Variants in PELI2 observed in about 807,000 individuals in gnomAD.
PELI2 encodes E3 ubiquitin-protein ligase pellino homolog 2.
PELI2 carries 23 observed loss-of-function variants against 42.3 expected under a neutral mutation model. The observed-to-expected ratio is 0.54, with a 90% confidence interval of 0.39 to 0.77. PELI2 has a LOEUF of 0.77. Ranked by LOEUF, PELI2 falls within the 30% of genes least tolerant of loss-of-function variation. The probability of loss-of-function intolerance (pLI) is 0.00; values close to 1 mark genes in which losing one functional copy is unlikely to be tolerated. For synonymous variants in PELI2, 245 were observed against 212.2 expected, an observed-to-expected ratio of 1.15 and a Z score of -1.34; for missense variants, 463 against 553.2, an observed-to-expected ratio of 0.84 and a Z score of 1.64.
In PELI2 at chr14:56,231,139, T is replaced by A. The variant is rs145080756; in HGVS notation, c.208-48537T>A. Among the ~76,000 whole-genome samples, 741 of 152,224 alleles carry A rather than the reference T, an allele frequency of 4.9e-3. 3 individuals carry two copies. Among genetic ancestry groups the A allele is most frequent in the African/African-American group, 0.017 (708 of 41,532 alleles). ...TAGAGACCTACAAAGAGACTTAGAC[T>A]TCCACACAGTAAAGTGGGGGGACAC... On this transcript the variant is annotated intron_variant, in intron 2 of 5. Coordinates refer to ENST00000267460, the MANE Select transcript of PELI2 (RefSeq NM_021255.3).
At chr14:56,293,865 G>T (rs1171200574) in intron 5 of PELI2, among the ~76,000 whole-genome samples, 2 of 152,212 alleles carry the variant, frequency 1.3e-5, no homozygotes, top group Non-Finnish European at 2.9e-5. Flanking sequence ...GGAAAGGGGG[G>T]TTGTTCCACA....
intron 2 of PELI2, among the ~76,000 whole-genome samples, chr14:56,250,477 A>G (rs1888306810): frequency 6.6e-6 from 1 of 152,166 alleles, no homozygotes; most frequent in Non-Finnish European, 1.5e-5. Context: ...CTGAGTCCCA[A>G]AACCTCAAAA....
At chr14:56,185,934 A>G (rs1885754824) in intron 2 of PELI2, among the ~76,000 whole-genome samples, 1 of 152,180 alleles carries the variant, frequency 6.6e-6, no homozygotes, top group African/African-American at 2.4e-5. Flanking sequence ...CCATTCTCCC[A>G]AGATGCTCAT....
chr14:56,123,976 T>C (rs1883156486), intron 1 of PELI2, among the ~76,000 whole-genome samples: 4 of 152,276 alleles, frequency 2.6e-5, no homozygotes, highest in South Asian at 4.1e-4. Flanking sequence ...GTAGACCTCA[T>C]TGGTATGGGA....
At chr14:56,150,873 G>A (rs1490127440) in intron 1 of PELI2, among the ~76,000 whole-genome samples, 1 of 152,186 alleles carries the variant, frequency 6.6e-6, no homozygotes. Context: ...GTGGATTCTT[G>A]GCAGCATGGA....
chr14:56,240,183 T>C (rs770865769), intron 2 of PELI2, among the ~76,000 whole-genome samples: 1 of 151,970 alleles, frequency 6.6e-6, no homozygotes, highest in Non-Finnish European at 1.5e-5. Flanking sequence ...ACGATCAGAT[T>C]TGTGTTTTAG....
chr14:56,274,845 C>T (rs1239590809), intron 2 of PELI2, among the ~76,000 whole-genome samples: 1 of 152,198 alleles, frequency 6.6e-6, no homozygotes, highest in Non-Finnish European at 1.5e-5. Flanking sequence ...ATTTCTTCAG[C>T]TGGATAAAGC....
Position 56,118,738 on chromosome 14 carries a change from G to T in PELI2, c.77+1G>T. 1 of 1,520,764 alleles carries T rather than the reference G, an allele frequency of 6.6e-7. No individual in the cohort carries two copies. Among genetic ancestry groups the T allele is most frequent in the South Asian group, 1.2e-5 (1 of 82,164 alleles). The allele number at this position is 1,520,764 out of a possible 1,614,324, so 94.2% of individuals were successfully genotyped here. A position where few individuals can be genotyped will look rare whatever the true frequency, so the allele number is the denominator to read the frequency against. On this transcript the variant is annotated splice_donor_variant, in intron 1 of 5. Transcript: ENST00000267460. LOFTEE classifies it high-confidence loss of function. ...AATACGGGGAGCTGGTGGTGCTCGG[G>T]TGAGTCCTGGGGTCCCTGGTCCCGG... is the stretch of plus-strand genomic sequence containing the variant.
chr14:56,123,081 C>T lies in PELI2; in HGVS notation c.77+4344C>T, dbSNP rs569697282. 4.0e-5 allele frequency among the ~76,000 whole-genome samples: 6 copies of T among 151,726 alleles called. No homozygotes were observed. In the South Asian group the frequency reaches 8.3e-4, roughly 21 times the overall value. On this transcript the variant is annotated intron_variant, in intron 1 of 5. Transcript: ENST00000267460. ...TTTTAGTAGAAATTGATAAGCTCTA[C>T]AAAAGGAGGTAGATACCTGCCTCAT...
At chr14:56,140,311 A>C (rs1883859033) in intron 1 of PELI2, among the ~76,000 whole-genome samples, 1 of 152,226 alleles carries the variant, frequency 6.6e-6, no homozygotes, top group African/African-American at 2.4e-5. Flanking sequence ...ATTCATTTAA[A>C]ATGAATTACA....
intron 1 of PELI2, among the ~76,000 whole-genome samples, chr14:56,159,629 G>C (rs1011485641): frequency 6.6e-6 from 1 of 151,580 alleles, no homozygotes; most frequent in Admixed American, 6.6e-5. Context: ...AATTACTGCA[G>C]GGCAATACTT....
chr14:56,252,722 A>G (rs1309846478), intron 2 of PELI2, among the ~76,000 whole-genome samples: 2 of 152,208 alleles, frequency 1.3e-5, no homozygotes, highest in Non-Finnish European at 2.9e-5. Flanking sequence ...TTAATATCCT[A>G]CCAACCAAAA....
At chr14:56,295,698 A>G (rs1889978170) in intron 5 of PELI2, among the ~76,000 whole-genome samples, 3 of 152,232 alleles carry the variant, frequency 2.0e-5, no homozygotes, top group African/African-American at 4.8e-5. Flanking sequence ...CTGAGGCACG[A>G]GGAGTTTAAG....
chr14:56,121,737 C>G (rs1883068441), intron 1 of PELI2, among the ~76,000 whole-genome samples: 1 of 152,192 alleles, frequency 6.6e-6, no homozygotes, highest in African/African-American at 2.4e-5. Flanking sequence ...TCCTCCTCCT[C>G]CTCTCTGTTT....
At chr14:56,223,837 T>A (rs1272811133) in intron 2 of PELI2, among the ~76,000 whole-genome samples, 3 of 152,216 alleles carry the variant, frequency 2.0e-5, no homozygotes, top group Admixed American at 6.5e-5. Flanking sequence ...TCATAAGATT[T>A]GAATGCAGTT....
At chr14:56,238,168 C>T (rs576196579) in intron 2 of PELI2, among the ~76,000 whole-genome samples, 2 of 152,250 alleles carry the variant, frequency 1.3e-5, no homozygotes, top group East Asian at 3.9e-4. Context: ...GTTCTGCCTG[C>T]AGAAGTTGGT....
intron 2 of PELI2, among the ~76,000 whole-genome samples, chr14:56,188,451 G>A (rs1566627370): frequency 6.6e-6 from 1 of 151,996 alleles, no homozygotes; most frequent in South Asian, 2.1e-4. Context: ...CCTTTTTTCC[G>A]TCTCTTATGT....
At chr14:56,212,976 C>G (rs769762564) in intron 2 of PELI2, among the ~76,000 whole-genome samples, 1 of 152,200 alleles carries the variant, frequency 6.6e-6, no homozygotes, top group Non-Finnish European at 1.5e-5. Flanking sequence ...TTAGTCCACA[C>G]GTGCAGTTCG....
intron 2 of PELI2, among the ~76,000 whole-genome samples, chr14:56,271,790 C>T (rs551548071): frequency 2.0e-5 from 3 of 152,304 alleles, no homozygotes; most frequent in South Asian, 2.1e-4. Context: ...CTGCTCCCAT[C>T]GGGCAGGCTG....
Sources: allele counts gnomAD v4.1 joint callset (sites outside exome capture counted in the v4.1 genomes callset), GRCh38; gene constraint gnomAD v4.1.1; transcripts MANE v1.5; gene names NCBI Gene and HGNC (gene_info 2026-07-23, HGNC 2026-07-21).